AQP7: variants seen among roughly 807,000 people sequenced by gnomAD.
AQP7 encodes the protein aquaporin 7.
A neutral mutation model predicts 26.1 loss-of-function variants in AQP7; 22 were observed. That is an observed-to-expected ratio of 0.84 (90% CI 0.60 to 1.20). The LOEUF (loss-of-function observed/expected upper bound fraction) is 1.20, where lower values mean the gene tolerates loss of function less well. AQP7 is among the 50% of genes most tolerant of loss of function. AQP7 has a pLI of 0.00. For missense variants in AQP7, 412 were observed against 457.5 expected (o/e 0.90, Z 0.91); for synonymous variants, 167 against 181.7 (o/e 0.92, Z 0.65).
chr9:33,383,463 C>G lies in AQP7; in HGVS notation c.*1542G>C, dbSNP rs80108487. The G allele has an allele frequency of 6.6e-6, 1 of 152,216 alleles. No homozygotes were observed. The highest frequency in any genetic ancestry group is 1.5e-5 in the Non-Finnish European group (1 of 68,102). The allele number at this position is 152,216 out of a possible 1,614,324, so 9.4% of individuals were successfully genotyped here. On this transcript the variant is annotated 3_prime_UTR_variant, in exon 8 of 8. Transcript: ENST00000297988. ...CAATCCCCAGGCCCAAGCTGGAAAC[C>G]GGAAGCCATTTCTGACTCCTCCCTC...
intron 2 of AQP7, among the ~76,000 whole-genome samples, chr9:33,400,602 C>A (rs528383590): frequency 6.6e-6 from 1 of 151,934 alleles, no homozygotes; most frequent in Non-Finnish European, 1.5e-5. Flanking sequence ...GCGAACATGG[C>A]GAAACCCCAT....
At chr9:33,400,806 GA>G (rs777079951) in intron 2 of AQP7, among the ~76,000 whole-genome samples, 132 of 141,222 alleles carry the variant, frequency 9.3e-4, no homozygotes, top group East Asian at 1.8e-3. Context: ...TTCCATCTCG[GA>G]AAAAAAAAAA....
chr9:33,390,621 A>G (rs2777739), intron 3 of AQP7, among the ~76,000 whole-genome samples: 48,723 of 151,822 alleles, frequency 0.32, 8,043 homozygotes, highest in Non-Finnish European at 0.33. Flanking sequence ...GCCCAGAGCT[A>G]GGCTGGCTTC....
In AQP7 at chr9:33,398,936, G is replaced by A. The variant is rs562867777; in HGVS notation, c.26+2301C>T. 2.5e-3 allele frequency among the ~76,000 whole-genome samples: 371 copies of A among 151,354 alleles called. 1 individual carries two copies. Among genetic ancestry groups the A allele is most frequent in the African/African-American group, 8.5e-3 (350 of 41,286 alleles). On this transcript the variant is annotated intron_variant, in intron 2 of 7. Coordinates refer to ENST00000297988, the MANE Select transcript of AQP7 (RefSeq NM_001170.3). ...TAACCAAGGAACTAAATAGCTAACA[G>A]CTCACTAAAAGCCTGTTTCTTTTCT...
intron 3 of AQP7, among the ~76,000 whole-genome samples, chr9:33,393,618 C>T (rs4008653): frequency 6.6e-6 from 1 of 152,224 alleles, no homozygotes; most frequent in Non-Finnish European, 1.5e-5. Context: ...GCTACAGTCA[C>T]GTTAAGGGCA....
intron 7 of AQP7, 89 bp downstream of exon 7, chr9:33,385,560 T>G (rs1824669747): frequency 6.7e-7 from 1 of 1,488,218 alleles, no homozygotes. Context: ...AGGACCCTCC[T>G]GTGCTGCCCC....
intron 2 of AQP7, among the ~76,000 whole-genome samples, chr9:33,398,705 G>T (rs1439426306): frequency 6.6e-6 from 1 of 152,128 alleles, no homozygotes; most frequent in Non-Finnish European, 1.5e-5. Flanking sequence ...CTAGACACTT[G>T]GGTGGGATGG....
intron 3 of AQP7, among the ~76,000 whole-genome samples, chr9:33,392,666 T>A (rs1825516744): frequency 1.3e-5 from 2 of 152,194 alleles, no homozygotes; most frequent in South Asian, 4.1e-4. Context: ...GGGGCTGGAA[T>A]GTCTTGTGAT....
At chr9:33,395,367 C>T (rs2381006) in intron 2 of AQP7, 172 bp from the exon 3 acceptor site, 19 of 627,114 alleles carry the variant, frequency 3.0e-5, no homozygotes, top group Middle Eastern at 4.2e-4. Context: ...TTGAGAGCCA[C>T]GGGGACATGG....
At chr9:33,399,454 T>C (rs1240216409) in intron 2 of AQP7, among the ~76,000 whole-genome samples, 1 of 150,422 alleles carries the variant, frequency 6.6e-6, no homozygotes, top group Non-Finnish European at 1.5e-5. Flanking sequence ...AAAAATTAGC[T>C]GGGCATGGTG....
At chr9:33,400,980 G>A (rs1194490964) in intron 2 of AQP7, 1 of 550,216 alleles carries the variant, frequency 1.8e-6, no homozygotes, top group Non-Finnish European at 3.3e-6. Context: ...GAGTGCAGTT[G>A]AGTTGAAGGC....
intron 3 of AQP7, among the ~76,000 whole-genome samples, chr9:33,389,802 C>T (rs948618188): frequency 5.3e-5 from 8 of 151,854 alleles, no homozygotes; most frequent in Admixed American, 2.6e-4. Flanking sequence ...TTTGGGAGGC[C>T]GAGGTGGATG....
At chr9:33,398,087 C>A (rs1825979388) in intron 2 of AQP7, among the ~76,000 whole-genome samples, 1 of 151,970 alleles carries the variant, frequency 6.6e-6, no homozygotes, top group Admixed American at 6.6e-5. Flanking sequence ...AGTGAATGGC[C>A]TAGAGGAGGG....
At chr9:33,401,366 G>A in intron 1 of AQP7, 79 bp from the exon 2 acceptor site, 5 of 1,269,452 alleles carry the variant, frequency 3.9e-6, no homozygotes, top group Non-Finnish European at 4.5e-6. Context: ...TTGGTCCCCA[G>A]GGGAGAAGCC....
chr9:33,400,129 C>T (rs1195565447), intron 2 of AQP7, among the ~76,000 whole-genome samples: 2 of 152,060 alleles, frequency 1.3e-5, no homozygotes, highest in African/African-American at 4.8e-5. Context: ...AGGCTAGAGG[C>T]AATGATGTCA....
chr9:33,385,865 G>A lies in AQP7; in HGVS notation c.527C>T (p.Ala176Val), dbSNP rs62542746. Residue 176 changes from alanine (A) to valine (V), a missense_variant and splice_region_variant, in exon 7 of 8, where the codon GCG (alanine) becomes GTG (valine). Coordinates refer to ENST00000297988, the MANE Select transcript of AQP7 (RefSeq NM_001170.3). ...MTLWRGFLNE[A>V]WLTGMLQLCL... ...CAGCTGGAGCATCCCGGTCAGCCAC[G>A]CCTGAGGAGCAGATGCTGTGGCAGC... 1.9e-5 allele frequency: 30 copies of A among 1,604,068 alleles called. No individual in the cohort carries two copies. The highest frequency in any genetic ancestry group is 1.3e-4 in the South Asian group (12 of 90,768).
chr9:33,386,534 G>T lies in AQP7; in HGVS notation c.276C>A (p.His92Gln). ...VHVAGRISGA[H>Q]MNAAVTFANC... ...TAGCAAAGGTCACAGCTGCGTTCATGTGGGCTCCTGCGGGCAGCAGGCAAG... is the reference window on the plus strand; with the variant it reads ...TAGCAAAGGTCACAGCTGCGTTCATTTGGGCTCCTGCGGGCAGCAGGCAAG... The change falls in exon 5 of 8, where the codon CAC becomes CAA. Residue 92 changes from histidine (H) to glutamine (Q), a missense_variant. Physicochemically the swap from His to Gln is conservative, Grantham distance 24 (BLOSUM62 0). Transcript: ENST00000297988. 1 of 1,611,886 alleles carries T rather than the reference G, an allele frequency of 6.2e-7. No homozygotes were observed. Among genetic ancestry groups the T allele is most frequent in the Non-Finnish European group, 8.5e-7 (1 of 1,178,978 alleles).
chr9:33,386,193 C>A lies in AQP7; in HGVS notation c.409G>T (p.Ala137Ser), dbSNP rs763685025. The change falls in exon 6 of 8, where the codon GCC becomes TCC. Residue 137 changes from alanine to serine, a missense_variant and splice_region_variant. Transcript: ENST00000297988. ...TGTCCACCCGAAAAGTGGAGAATGG[C>A]CGCTGCGGAGACACAGACTGTCATG... ...AATIYSLFYT[A>S]ILHFSGGQLM... is the part of the protein sequence containing the mutation. The A allele has an allele frequency of 6.2e-7, 1 of 1,613,972 alleles. No homozygotes were observed. Among genetic ancestry groups the A allele is most frequent in the East Asian group, 2.2e-5 (1 of 44,886 alleles).
Position 33,395,059 on chromosome 9 carries a change from G to A in AQP7, c.144+19C>T, listed in dbSNP as rs377239361. 15 of 1,599,622 alleles carry A rather than the reference G, an allele frequency of 9.4e-6. No homozygotes were observed. Among genetic ancestry groups the A allele is most frequent in the South Asian group, 2.2e-5 (2 of 90,796 alleles). ...GCCCTGGCGGAGCCCCACCCACTTCGTGCTGCCCACCCACTCACCATCATG... is the reference window on the plus strand; with the variant it reads ...GCCCTGGCGGAGCCCCACCCACTTCATGCTGCCCACCCACTCACCATCATG... On this transcript the variant is annotated intron_variant, in intron 3 of 7. Coordinates refer to ENST00000297988, the MANE Select transcript of AQP7 (RefSeq NM_001170.3).
Sources: allele counts gnomAD v4.1 joint callset (sites outside exome capture counted in the v4.1 genomes callset), GRCh38; gene constraint gnomAD v4.1.1; transcripts MANE v1.5; gene names NCBI Gene and HGNC (gene_info 2026-07-23, HGNC 2026-07-21).